The following FRMD3 variants were observed in gnomAD, a reference collection of about 807,000 sequenced individuals.
The protein encoded by FRMD3 is FERM domain-containing protein 3.
In FRMD3, 33 loss-of-function variants were observed where a neutral mutation model predicts 70.2. The observed-to-expected ratio is 0.47, with a 90% CI of 0.36 to 0.63. The LOEUF (loss-of-function observed/expected upper bound fraction) is 0.63, where lower values mean the gene tolerates loss of function less well. Among genes scored for constraint, FRMD3 ranks in the 20% least tolerant of loss-of-function variants. The pLI is 0.00. For synonymous variants in FRMD3, 279 were observed against 255.9 expected, an observed-to-expected ratio of 1.09 and a Z score of -0.86; for missense variants, 632 against 711.4, an observed-to-expected ratio of 0.89 and a Z score of 1.27.
At chr9:83,402,789 G>A (rs985418379) in intron 1 of FRMD3, among the ~76,000 whole-genome samples, 1 of 151,672 alleles carries the variant, frequency 6.6e-6, no homozygotes, top group Non-Finnish European at 1.5e-5. Context: ...ACATTAAAGA[G>A]AGCCTACGGT....
At chr9:83,574,197 G>A in the FRMD3 span, among the ~76,000 whole-genome samples, 1 of 152,162 alleles carries the variant, frequency 6.6e-6, no homozygotes, top group Non-Finnish European at 1.5e-5. Context: ...TTCAGGTGAT[G>A]TCCATTATTT....
chr9:83,386,904 G>T lies in FRMD3; in HGVS notation c.252+2700C>A, dbSNP rs189451051. Among the ~76,000 whole-genome samples the T allele has an allele frequency of 6.6e-5, 10 of 152,176 alleles. No individual in the cohort carries two copies. In the East Asian group the frequency reaches 1.9e-3, roughly 29 times the overall value. On this transcript the variant is annotated intron_variant, in intron 2 of 13. Coordinates refer to ENST00000304195, the MANE Select transcript of FRMD3 (RefSeq NM_174938.6). The stretch of plus-strand genomic sequence containing the variant: ...TGATGTTTTCTCAATATTTGATTAA[G>T]GTTATGCATTATTGGGAAGAATGCC...
chr9:83,340,884 C>T (rs1014791841), intron 5 of FRMD3, among the ~76,000 whole-genome samples: 19 of 152,194 alleles, frequency 1.2e-4, no homozygotes, highest in African/African-American at 3.9e-4. Context: ...GTGTGCACCA[C>T]CACATCCAAC....
intron 1 of FRMD3, among the ~76,000 whole-genome samples, chr9:83,469,630 T>C (rs1828217895): frequency 6.6e-6 from 1 of 151,682 alleles, no homozygotes; most frequent in Non-Finnish European, 1.5e-5. Context: ...AACCACCTCA[T>C]GGAAAACATG....
intron 1 of FRMD3, among the ~76,000 whole-genome samples, chr9:83,426,538 G>C (rs1826817674): frequency 6.6e-6 from 1 of 152,220 alleles, no homozygotes; most frequent in Admixed American, 6.5e-5. Context: ...GTGGTTTCCA[G>C]ACTTAGCAAC....
intron 13 of FRMD3, among the ~76,000 whole-genome samples, chr9:83,267,866 T>C (rs1833346610): frequency 6.6e-6 from 1 of 152,228 alleles, no homozygotes; most frequent in African/African-American, 2.4e-5. Context: ...TCAGTAGCTA[T>C]ATATGGTTGC....
chr9:83,553,955 T>C, the FRMD3 span, among the ~76,000 whole-genome samples: 1 of 152,234 alleles, frequency 6.6e-6, no homozygotes, highest in African/African-American at 2.4e-5. Flanking sequence ...ACTGGAGTTC[T>C]TGCATCGGTT....
At chr9:83,335,730 G>C in intron 5 of FRMD3, 91 bp from the exon 6 acceptor site, 1 of 1,105,368 alleles carries the variant, frequency 9.0e-7, no homozygotes, top group Non-Finnish European at 1.3e-6. Context: ...CCATCCAAAA[G>C]AAGAGGCTGG....
chr9:83,532,686 C>G (rs1375660691), intron 1 of FRMD3, among the ~76,000 whole-genome samples: 3 of 152,148 alleles, frequency 2.0e-5, no homozygotes, highest in African/African-American at 7.2e-5. Flanking sequence ...AGCCACCTCC[C>G]ATTATAGAGA....
intron 13 of FRMD3, among the ~76,000 whole-genome samples, chr9:83,280,019 G>A (rs748876651): frequency 6.6e-6 from 1 of 152,124 alleles, no homozygotes; most frequent in Non-Finnish European, 1.5e-5. Context: ...GAAAGAAGAT[G>A]GCTATACCTT....
the FRMD3 span, among the ~76,000 whole-genome samples, chr9:83,558,100 T>C: frequency 1.8e-3 from 271 of 152,334 alleles, 2 homozygotes; most frequent in Non-Finnish European, 1.5e-3. Flanking sequence ...CAAAAATACA[T>C]GCACCAAAAT....
rs191684963 is a variant in FRMD3 at position 83,270,332 on chromosome 9, A to T, written c.1195+20271T>A. 1.7e-4 allele frequency among the ~76,000 whole-genome samples: 26 copies of T among 152,332 alleles called. 1 individual carries two copies. Among genetic ancestry groups the T allele is most frequent in the Admixed American group, 5.9e-4 (9 of 15,308 alleles). ...CAAAGAAGAAGAATGGCATTCAGTGATAAGAACTGTTCATGAGCCTGAATT... is the reference window on the plus strand; with the variant it reads ...CAAAGAAGAAGAATGGCATTCAGTGTTAAGAACTGTTCATGAGCCTGAATT... On this transcript the variant is annotated intron_variant, in intron 13 of 13. Coordinates refer to ENST00000304195, the MANE Select transcript of FRMD3 (RefSeq NM_174938.6).
At chr9:83,354,071 C>T (rs563332191) in intron 3 of FRMD3, among the ~76,000 whole-genome samples, 2 of 152,162 alleles carry the variant, frequency 1.3e-5, no homozygotes, top group South Asian at 4.1e-4. Context: ...AATACAGGTA[C>T]CCACCACAAT....
At chr9:83,542,253 T>C (rs930518715), upstream of FRMD3, among the ~76,000 whole-genome samples, 1 of 152,220 alleles carries the variant, frequency 6.6e-6, no homozygotes, top group Admixed American at 6.5e-5. Context: ...TATAACACTT[T>C]GGTAAGCCAC....
intron 1 of FRMD3, among the ~76,000 whole-genome samples, chr9:83,517,682 C>A (rs1356441286): frequency 6.6e-6 from 1 of 151,962 alleles, no homozygotes; most frequent in Non-Finnish European, 1.5e-5. Context: ...GGCAGAGACA[C>A]AACAAAGAAA....
At chr9:83,403,928 G>A (rs1388518021) in intron 1 of FRMD3, among the ~76,000 whole-genome samples, 1 of 152,016 alleles carries the variant, frequency 6.6e-6, no homozygotes, top group Non-Finnish European at 1.5e-5. Context: ...TCCACCCTGT[G>A]AAGGTCTAAT....
chr9:83,522,857 C>T (rs541116581), intron 1 of FRMD3, among the ~76,000 whole-genome samples: 1 of 152,096 alleles, frequency 6.6e-6, no homozygotes. Flanking sequence ...GCCACCGCGC[C>T]CAGCCCGATA....
chr9:83,328,246 A>G (rs1432429900), intron 6 of FRMD3, among the ~76,000 whole-genome samples: 1 of 151,720 alleles, frequency 6.6e-6, no homozygotes, highest in East Asian at 1.9e-4. Flanking sequence ...CAGAGCAGGG[A>G]TGGTGGCAAT....
At chr9:83,280,832 G>A (rs921323704) in intron 13 of FRMD3, among the ~76,000 whole-genome samples, 2 of 152,152 alleles carry the variant, frequency 1.3e-5, no homozygotes, top group African/African-American at 4.8e-5. Context: ...CTCCACCCCA[G>A]TGGATCATTG....
Sources: gnomAD v4.1 joint callset for allele counts (sites outside exome capture counted in the v4.1 genomes callset) on GRCh38, gnomAD v4.1.1 for gene constraint, MANE v1.5 for transcripts, NCBI Gene and HGNC (gene_info 2026-07-23, HGNC 2026-07-21) for gene names.